Variants in TRPM8 observed in about 807,000 individuals in gnomAD.
The protein encoded by TRPM8 is TRPM8 cationic channel.
In TRPM8, 110 loss-of-function variants were observed where a neutral mutation model predicts 133.7. The observed-to-expected ratio is 0.82, with a 90% CI of 0.70 to 0.96. The LOEUF (loss-of-function observed/expected upper bound fraction) is 0.96, where lower values mean the gene tolerates loss of function less well. Ranked by LOEUF, TRPM8 falls within the 40% of genes least tolerant of loss-of-function variation. TRPM8 has a pLI of 0.00. For missense variants in TRPM8, 1,291 were observed against 1,379.5 expected (o/e 0.94, Z 1.02); for synonymous variants, 535 against 532.3 (o/e 1.01, Z -0.07).
At position 233,967,312 on chromosome 2, in the gene TRPM8, C is replaced by T. The variant is rs28902182; in HGVS notation, c.2025+557C>T. 6.3e-3 allele frequency among the ~76,000 whole-genome samples: 954 copies of T among 152,292 alleles called. 10 individuals carry two copies. Among genetic ancestry groups the T allele is most frequent in the African/African-American group, 0.022 (894 of 41,558 alleles). On this transcript the variant is annotated intron_variant, in intron 15 of 25. Coordinates refer to ENST00000324695, the MANE Select transcript of TRPM8 (RefSeq NM_024080.5). ...ACTGAAGTGAATGAATCGTAGTTTG[C>T]ACCTGGTGTCTTAGGCTGCAGAGCA...
rs1693011155 is a variant in TRPM8, at chr2:234,018,423, T to C, written c.*1167T>C. 1 of 151,348 alleles carries C rather than the reference T, an allele frequency of 6.6e-6. No individual in the cohort carries two copies. Among genetic ancestry groups the C allele is most frequent in the Non-Finnish European group, 1.5e-5 (1 of 67,840 alleles). 9.4% of individuals were successfully genotyped at this position (151,348 alleles called of 1,614,324 possible). A position where few individuals can be genotyped will look rare whatever the true frequency, so the allele number is the denominator to read the frequency against. The stretch of plus-strand genomic sequence containing the variant: ...TTAGATTCCAATAAATATCTATTTA[T>C]TATTAAATATTAAAATATCTATTTA... On this transcript the variant is annotated 3_prime_UTR_variant, in exon 26 of 26. Coordinates refer to ENST00000324695, the MANE Select transcript of TRPM8 (RefSeq NM_024080.5).
chr2:233,947,065 G>A (rs1213262253), intron 7 of TRPM8, 23 bp from the exon 8 acceptor site: 4 of 1,609,896 alleles, frequency 2.5e-6, no homozygotes, highest in Admixed American at 1.7e-5. Context: ...CTCAAAATAT[G>A]CTTTACTTTT....
rs201564419 is a variant in TRPM8 at position 233,970,223 on chromosome 2, G to A, written c.2152G>A (p.Asp718Asn). 6 of 1,614,002 alleles carry A rather than the reference G, an allele frequency of 3.7e-6. No individual in the cohort carries two copies. Among genetic ancestry groups the A allele is most frequent in the South Asian group, 1.1e-5 (1 of 91,062 alleles). Residue 718 changes from aspartate to asparagine, a missense_variant, in exon 17 of 26, where the codon GAC becomes AAC. Asp to Asn is a conservative substitution (Grantham distance 23). Coordinates refer to ENST00000324695, the MANE Select transcript of TRPM8 (RefSeq NM_024080.5). ...GFVSFRKKPV[D>N]KHKKLLWYYV... ...CTCTGGGTCCAGGAAGAAACCTGTC[G>A]ACAAGCACAAGAAGCTGCTTTGGTA...
At chr2:233,971,938 C>G (rs1248009795) in intron 17 of TRPM8, among the ~76,000 whole-genome samples, 1 of 152,162 alleles carries the variant, frequency 6.6e-6, no homozygotes, top group Non-Finnish European at 1.5e-5. Context: ...GCTGAGTGGT[C>G]TGTTTTGACA....
intron 12 of TRPM8, 84 bp from the exon 13 acceptor site, chr2:233,963,198 C>A: frequency 1.2e-6 from 1 of 818,352 alleles, no homozygotes. Context: ...CAGAGCCCTC[C>A]AAACATGGGC....
intron 21 of TRPM8, among the ~76,000 whole-genome samples, chr2:233,990,717 C>T (rs1274643858): frequency 6.6e-6 from 1 of 152,116 alleles, no homozygotes; most frequent in Non-Finnish European, 1.5e-5. Flanking sequence ...GCTCAGGATG[C>T]GGTCTGTGCA....
rs1398388869 is a variant in TRPM8 at position 233,989,607 on chromosome 2, G to A, written c.2939+3742G>A. Among the ~76,000 whole-genome samples, 2 of 152,338 alleles carry A rather than the reference G, an allele frequency of 1.3e-5. No homozygotes were observed. The highest frequency in any genetic ancestry group is 1.9e-4 in the East Asian group (1 of 5,190). On this transcript the variant is annotated intron_variant, in intron 21 of 25. Transcript: ENST00000324695. The surrounding 1 kb of genome is among the most constrained non-coding windows in gnomAD (Gnocchi z 4.2). ...CTCTGTGAGCAGATGGCCCCAGGAT[G>A]TGACCCTTCCCTGGCACCACATCAA...
intron 1 of TRPM8, among the ~76,000 whole-genome samples, chr2:233,926,205 T>C (rs995617498): frequency 1.1e-4 from 17 of 152,200 alleles, no homozygotes; most frequent in African/African-American, 3.6e-4. Flanking sequence ...CTGTGATGCA[T>C]GTGCTACAGA....
intron 2 of TRPM8, among the ~76,000 whole-genome samples, chr2:233,927,860 C>CTTCCTTTCTTTCTT (rs1553653795): frequency 8.3e-5 from 2 of 24,118 alleles, no homozygotes; most frequent in South Asian, 1.5e-3. Context: ...TCCTTTCTTT[C>CTTCCTTTCTTTCTT]TCTTTCTTTC....
At chr2:233,943,227 A>T (rs1246784106) in intron 6 of TRPM8, among the ~76,000 whole-genome samples, 2 of 151,868 alleles carry the variant, frequency 1.3e-5, no homozygotes, top group Non-Finnish European at 2.9e-5. Flanking sequence ...ATCATTTAAC[A>T]TTAGGTATAT....
At chr2:233,954,080 G>A in intron 10 of TRPM8, 61 bp downstream of exon 10, 1 of 1,206,108 alleles carries the variant, frequency 8.3e-7, no homozygotes, top group Non-Finnish European at 1.2e-6. Flanking sequence ...GGCTTTTCAT[G>A]ACTTACATTT....
intron 13 of TRPM8, among the ~76,000 whole-genome samples, chr2:233,964,212 G>A (rs886337780): frequency 6.6e-6 from 1 of 152,080 alleles, no homozygotes; most frequent in African/African-American, 2.4e-5. Flanking sequence ...TGCCATGAAT[G>A]TTCTTGTTGG....
intron 19 of TRPM8, 99 bp from the exon 20 acceptor site, chr2:233,982,954 C>A: frequency 1.0e-5 from 14 of 1,338,788 alleles, no homozygotes; most frequent in Non-Finnish European, 1.4e-5. Flanking sequence ...GCCCTGGAAC[C>A]GCTGCTCTTC....
chr2:233,973,787 G>A (rs927797687), intron 17 of TRPM8, among the ~76,000 whole-genome samples: 1 of 152,214 alleles, frequency 6.6e-6, no homozygotes, highest in African/African-American at 2.4e-5. Flanking sequence ...CTGTTTGAGG[G>A]AAGCAGAGAA....
intron 17 of TRPM8, among the ~76,000 whole-genome samples, chr2:233,977,851 G>T (rs1298079118): frequency 6.6e-6 from 1 of 152,182 alleles, no homozygotes; most frequent in Non-Finnish European, 1.5e-5. Context: ...TATATGGCAA[G>T]ATGTATCTGT....
Position 233,937,425 on chromosome 2 carries a change from A to G in TRPM8, c.264A>G (p.Lys88=), listed in dbSNP as rs1690780777. Reference sequence around the variant, plus strand: ...GCACCCAGATCAACCAAAGTGAGAAATGGAACTACAAGAAACACACCAAGG... The same window carrying G: ...GCACCCAGATCAACCAAAGTGAGAAGTGGAACTACAAGAAACACACCAAGG... The part of the protein sequence containing the change: ...MEGTQINQSE[K]WNYKKHTKEF... The change falls in exon 4 of 26, where the codon AAA becomes AAG. Residue 88 remains lysine (K), a synonymous_variant. Coordinates refer to ENST00000324695, the MANE Select transcript of TRPM8 (RefSeq NM_024080.5). The G allele has an allele frequency of 6.2e-7, 1 of 1,614,192 alleles. No individual in the cohort carries two copies. Among genetic ancestry groups the G allele is most frequent in the South Asian group, 1.1e-5 (1 of 91,076 alleles).
chr2:233,962,608 A>C (rs1198649468), intron 12 of TRPM8, among the ~76,000 whole-genome samples: 1 of 152,216 alleles, frequency 6.6e-6, no homozygotes, highest in African/African-American at 2.4e-5. Flanking sequence ...ATCTAAATGC[A>C]TTAGGTATTT....
rs959227805 is a variant in TRPM8, at chr2:233,930,599, G to A, written c.118-69G>A. The A allele has an allele frequency of 4.9e-6, 5 of 1,030,180 alleles. No individual in the cohort carries two copies. In the East Asian group the frequency reaches 9.7e-5, roughly 20 times the overall value. 63.8% of individuals were successfully genotyped at this position (1,030,180 alleles called of 1,614,324 possible). ...TTGAAGTGGGGTTACATCATATTTAGTATTCATCAATATCAGCAAGGGGTG... is the reference window on the plus strand; with the variant it reads ...TTGAAGTGGGGTTACATCATATTTAATATTCATCAATATCAGCAAGGGGTG... On this transcript the variant is annotated intron_variant, in intron 2 of 25. Transcript: ENST00000324695.
intron 21 of TRPM8, 38 bp from the exon 22 acceptor site, chr2:233,996,288 G>A (rs202224362): frequency 8.6e-5 from 137 of 1,596,548 alleles, no homozygotes; most frequent in Admixed American, 6.2e-4. Context: ...TGAGGCATGC[G>A]CAATGCTAAG....
Sources: gnomAD v4.1 joint callset for allele counts (sites outside exome capture counted in the v4.1 genomes callset) on GRCh38, gnomAD v4.1.1 for gene constraint, Gnocchi (gnomAD v3.1) non-coding constraint, MANE v1.5 for transcripts, NCBI Gene and HGNC (gene_info 2026-07-23, HGNC 2026-07-21) for gene names.